Variants in TRIM63 observed in about 807,000 individuals in gnomAD.
The protein encoded by TRIM63 is tripartite motif containing 63.
Under a neutral mutation model 46.0 loss-of-function variants are expected in TRIM63, and 48 were observed. The observed-to-expected ratio is 1.04, with a 90% CI of 0.83 to 1.33. TRIM63 has a LOEUF of 1.33. Among genes scored for constraint, TRIM63 ranks in the 40% most tolerant of loss-of-function variants. TRIM63 has a pLI of 0.00. For missense variants in TRIM63, 455 were observed against 441.2 expected (o/e 1.03, Z -0.28); for synonymous variants, 175 against 162.8 (o/e 1.08, Z -0.57).
At chr1:26,054,049 T>C in intron 7 of TRIM63, 85 bp from the exon 8 acceptor site, 1 of 932,898 alleles carries the variant, frequency 1.1e-6, no homozygotes, top group Non-Finnish European at 1.6e-6. Flanking sequence ...GAGAGCACGG[T>C]CTAAACCCCT....
At chr1:26,055,434 A>G (rs2050561983) in intron 7 of TRIM63, among the ~76,000 whole-genome samples, 1 of 152,064 alleles carries the variant, frequency 6.6e-6, no homozygotes, top group African/African-American at 2.4e-5. Flanking sequence ...AGGCTCAGGG[A>G]GATTAGGAAG....
Position 26,057,648 on chromosome 1 carries a change from A to T in TRIM63, c.834T>A (p.Thr278=), listed in dbSNP as rs1310284330. The T allele has an allele frequency of 6.2e-7, 1 of 1,609,714 alleles. No homozygotes were observed. Among genetic ancestry groups the T allele is most frequent in the African/African-American group, 1.3e-5 (1 of 74,758 alleles). ...DEPGGATFLL[T]AKQLIKSIVE... ...CTGACCTTTTGATGAGTTGCTTGGC[A>T]GTCTGCAGGGGGAGAGAGAACAAAG... Residue 278 remains threonine (T), a splice_region_variant and synonymous_variant, in exon 6 of 9, where the codon ACT becomes ACA. Coordinates refer to ENST00000374272, the MANE Select transcript of TRIM63 (RefSeq NM_032588.4).
At chr1:26,054,165 C>T (rs2124435460) in intron 7 of TRIM63, among the ~76,000 whole-genome samples, 1 of 152,356 alleles carries the variant, frequency 6.6e-6, no homozygotes, top group Non-Finnish European at 1.5e-5. Flanking sequence ...CTGCAATCCC[C>T]CGCACTCCGT....
intron 4 of TRIM63, 65 bp downstream of exon 4, chr1:26,060,201 T>TC (rs1041055132): frequency 6.8e-7 from 1 of 1,478,592 alleles, no homozygotes; most frequent in African/African-American, 1.4e-5. Context: ...GGGTGAGCCT[T>TC]CCCCAGAGAC....
Position 26,061,059 on chromosome 1 carries a change from C to A in TRIM63, c.501+107G>T, listed in dbSNP as rs2050621030. On this transcript the variant is annotated intron_variant, in intron 3 of 8. Transcript: ENST00000374272. ...GGGAAGTCCCTCCAGAGAGACTATT[C>A]CTGAAAGGCCAGATCAGCAGATCTA... 6 of 1,281,082 alleles carry A rather than the reference C, an allele frequency of 4.7e-6. No individual in the cohort carries two copies. In the East Asian group the frequency reaches 1.5e-4, roughly 32 times the overall value. 79.4% of individuals were successfully genotyped at this position (1,281,082 alleles called of 1,614,324 possible).
rs1279716752 is a variant in TRIM63, at chr1:26,066,403, A to G, written c.197T>C (p.Val66Ala). 6.8e-6 allele frequency: 11 copies of G among 1,610,030 alleles called. No homozygotes were observed. Among genetic ancestry groups the G allele is most frequent in the Admixed American group, 1.7e-5 (1 of 59,758 alleles). ...NPYWTSRGSS[V>A]SMSGGRFRCP... is the part of the protein sequence containing the mutation. The stretch of plus-strand genomic sequence containing the variant: ...GCGGAAACGGCCTCCAGACATGGAC[A>G]CTGAGCTGCCCCGGCTGGTCCAGTA... The change falls in exon 2 of 9, where the codon GTG becomes GCG. Residue 66 changes from valine to alanine, a missense_variant. Coordinates refer to ENST00000374272, the MANE Select transcript of TRIM63 (RefSeq NM_032588.4).
chr1:26,066,324 C>T lies in TRIM63; in HGVS notation c.276G>A (p.Leu92=). 6.2e-7 allele frequency: 1 copy of T among 1,614,194 alleles called. No individual in the cohort carries two copies. The highest frequency in any genetic ancestry group is 8.5e-7 in the Non-Finnish European group (1 of 1,180,034). ...VIMDRHGVYG[L]QRNLLVENII... is the part of the protein sequence containing the mutation. ...TGTTCTCCACCAGCAGGTTCCTCTG[C>T]AGGCCGTACACTCCGTGACGATCCA... Residue 92 remains leucine (L), a synonymous_variant, in exon 2 of 9, where the codon CTG becomes CTA. Transcript: ENST00000374272.
intron 2 of TRIM63, among the ~76,000 whole-genome samples, chr1:26,063,379 C>T (rs1236582663): frequency 6.6e-6 from 1 of 152,222 alleles, no homozygotes; most frequent in Non-Finnish European, 1.5e-5. Context: ...TGCCTCACCT[C>T]CAAACAGCCT....
In TRIM63 at chr1:26,054,031, A is replaced by G. The variant is rs758190210; in HGVS notation, c.980-67T>C. On this transcript the variant is annotated intron_variant, in intron 7 of 8. Transcript: ENST00000374272. Reference sequence around the variant, plus strand: ...TTGAGGAGCTACTTGAAGAGGAACCAGGCAAGAGAGAGCACGGTCTAAACC... The same window carrying G: ...TTGAGGAGCTACTTGAAGAGGAACCGGGCAAGAGAGAGCACGGTCTAAACC... 658 of 1,173,952 alleles carry G rather than the reference A, an allele frequency of 5.6e-4. 2 individuals are homozygous for G. Among genetic ancestry groups the G allele is most frequent in the Non-Finnish European group, 7.6e-4 (630 of 826,712 alleles). 72.7% of individuals were successfully genotyped at this position (1,173,952 alleles called of 1,614,324 possible). A position where few individuals can be genotyped will look rare whatever the true frequency, so the allele number is the denominator to read the frequency against.
Position 26,057,218 on chromosome 1 carries a change from T to C in TRIM63, c.964A>G (p.Ile322Val). Residue 322 changes from isoleucine (I) to valine (V), a missense_variant, in exon 7 of 9, where the codon ATT becomes GTT. Ile to Val is a conservative substitution (Grantham distance 29). Transcript: ENST00000374272. The stretch of plus-strand genomic sequence containing the variant: ...CCTCCTTTACCTGTCCCAAAGTCAA[T>C]GGCTCTCAGGGCGTCTGCTATGTGC... ...LEHIADALRA[I>V]DFGTDEEEEE... is the part of the protein sequence containing the mutation. The C allele has an allele frequency of 6.2e-7, 1 of 1,614,164 alleles. No homozygotes were observed.
chr1:26,058,579 G>C lies in TRIM63; in HGVS notation c.642C>G (p.Asp214Glu). 2 of 1,614,174 alleles carry C rather than the reference G, an allele frequency of 1.2e-6. No homozygotes were observed. Among genetic ancestry groups the C allele is most frequent in the Non-Finnish European group, 1.7e-6 (2 of 1,180,030 alleles). Residue 214 changes from aspartate to glutamate, a missense_variant, in exon 5 of 9, where the codon GAC becomes GAG. Transcript: ENST00000374272. ...TCTCATCCAGGATGGCATACAACGT[G>C]TCAAACTTCTGGCTCAGCTCTTCCT... is the stretch of plus-strand genomic sequence containing the variant. ...QVKEELSQKFDTLYAILDEKK... is the reference protein window; with the variant it reads ...QVKEELSQKFETLYAILDEKK...
In TRIM63 at chr1:26,062,180, G is replaced by C. The variant is rs889248961; in HGVS notation, c.333-846C>G. On this transcript the variant is annotated intron_variant, in intron 2 of 8. Coordinates refer to ENST00000374272, the MANE Select transcript of TRIM63 (RefSeq NM_032588.4). The stretch of plus-strand genomic sequence containing the variant: ...AGCTACTCGGGAGGCTGAGGCAGGA[G>C]AATCACTTGAAACCAGGAGGCAGAG... Among the ~76,000 whole-genome samples the C allele has an allele frequency of 3.3e-5, 5 of 151,084 alleles. No individual in the cohort carries two copies. The East Asian group carries it at 7.9e-4, about 24-fold the overall frequency.
At chr1:26,056,920 G>A (rs961375889) in intron 7 of TRIM63, among the ~76,000 whole-genome samples, 3 of 151,982 alleles carry the variant, frequency 2.0e-5, no homozygotes, top group South Asian at 4.2e-4. Context: ...ATGCCATCAC[G>A]CCTGGCTAAT....
In TRIM63 at chr1:26,060,451, C is replaced by T. The variant is rs1044911297; in HGVS notation, c.502-90G>A. 3.2e-6 allele frequency: 3 copies of T among 941,278 alleles called. No individual in the cohort carries two copies. In the Admixed American group the frequency reaches 5.4e-5, roughly 17 times the overall value. The allele number at this position is 941,278 out of a possible 1,614,324, so 58.3% of individuals were successfully genotyped here. A position where few individuals can be genotyped will look rare whatever the true frequency, so the allele number is the denominator to read the frequency against. On this transcript the variant is annotated intron_variant, in intron 3 of 8. Transcript: ENST00000374272. ...GCATGGCAGCAACATGGCTTCCTCCCTCCCCTCTCTGCTAGAAAGAGCCTC... is the reference window on the plus strand; with the variant it reads ...GCATGGCAGCAACATGGCTTCCTCCTTCCCCTCTCTGCTAGAAAGAGCCTC...
chr1:26,051,815 C>T lies in TRIM63; in HGVS notation c.*58G>A, dbSNP rs376108137. On this transcript the variant is annotated 3_prime_UTR_variant, in exon 9 of 9. Transcript: ENST00000374272. The stretch of plus-strand genomic sequence containing the variant: ...TGGGCCTGTCACCAAGGCCGCTGGG[C>T]CCCTCCCCACCCTCTCCAGTCTCTC... The T allele has an allele frequency of 1.7e-3, 754 of 445,964 alleles. No homozygotes were observed. The highest frequency in any genetic ancestry group is 1.8e-3 in the Non-Finnish European group (525 of 293,532). The allele number at this position is 445,964 out of a possible 1,614,324, so 27.6% of individuals were successfully genotyped here.
intron 2 of TRIM63, among the ~76,000 whole-genome samples, chr1:26,064,511 G>A (rs953345161): frequency 6.6e-6 from 1 of 152,012 alleles, no homozygotes; most frequent in African/African-American, 2.4e-5. Context: ...GTGTGGGCTT[G>A]GACAAATCTC....
intron 3 of TRIM63, 25 bp downstream of exon 3, chr1:26,061,141 G>A (rs1160883760): frequency 3.7e-6 from 6 of 1,609,314 alleles, no homozygotes; most frequent in Non-Finnish European, 5.1e-6. Flanking sequence ...CCCAGGCTGG[G>A]GGTAAAAGTG....
intron 4 of TRIM63, among the ~76,000 whole-genome samples, chr1:26,059,492 C>G (rs2050603171): frequency 6.6e-6 from 1 of 152,134 alleles, no homozygotes; most frequent in East Asian, 1.9e-4. Flanking sequence ...AAAAACAGCT[C>G]CTTTCCTAGC....
chr1:26,059,267 C>A (rs2050601235), intron 4 of TRIM63, among the ~76,000 whole-genome samples: 1 of 152,046 alleles, frequency 6.6e-6, no homozygotes. Flanking sequence ...CATGATCCAC[C>A]CAGCTTGACC....
Sources: gnomAD v4.1 joint callset for allele counts (sites outside exome capture counted in the v4.1 genomes callset) on GRCh38, gnomAD v4.1.1 for gene constraint, MANE v1.5 for transcripts, NCBI Gene and HGNC (gene_info 2026-07-23, HGNC 2026-07-21) for gene names.